Variants in SEMA4B observed in about 807,000 individuals in gnomAD.
SEMA4B encodes the protein semaphorin 4B.
A neutral mutation model predicts 88.1 loss-of-function variants in SEMA4B; 55 were observed. The observed-to-expected ratio is 0.62, with a 90% confidence interval of 0.50 to 0.78. SEMA4B has a LOEUF of 0.78. Ranked by LOEUF, SEMA4B falls within the 30% of genes least tolerant of loss-of-function variation. The probability of loss-of-function intolerance (pLI) is 0.00; values close to 1 mark genes in which losing one functional copy is unlikely to be tolerated. For synonymous variants in SEMA4B, 525 were observed against 473.6 expected (o/e 1.11, Z -1.41); for missense variants, 1,062 against 1,111.9 (o/e 0.96, Z 0.64).
At chr15:90,188,913 C>T (rs551638761) in intron 1 of SEMA4B, among the ~76,000 whole-genome samples, 235 of 152,126 alleles carry the variant, frequency 1.5e-3, no homozygotes, top group African/African-American at 5.4e-3. Context: ...TCGTGATCCG[C>T]CCGCCTCAGC....
rs77182560 is a variant in SEMA4B at position 90,213,741 on chromosome 15, A to G, written c.158-3698A>G. On this transcript the variant is annotated intron_variant, in intron 1 of 13. Coordinates refer to ENST00000411539, the MANE Select transcript of SEMA4B (RefSeq NM_198925.4). ...AACGCTCTTTTGCAGGTAGATAAGCACGGGCAACCAGCTTATCTGAACCAG... is the reference window on the plus strand; with the variant it reads ...AACGCTCTTTTGCAGGTAGATAAGCGCGGGCAACCAGCTTATCTGAACCAG... Among the ~76,000 whole-genome samples the G allele has an allele frequency of 7.2e-3, 1,104 of 152,360 alleles. 17 individuals are homozygous for G. The highest frequency in any genetic ancestry group is 0.025 in the African/African-American group (1,029 of 41,588).
chr15:90,214,881 T>C, intron 1 of SEMA4B: 5 of 803,734 alleles, frequency 6.2e-6, no homozygotes, highest in Non-Finnish European at 6.9e-6. Flanking sequence ...CTGATTTTAA[T>C]GTTTATATTT....
chr15:90,220,943 C>T (rs1229225737), intron 4 of SEMA4B, 39 bp from the exon 5 acceptor site: 2 of 1,360,244 alleles, frequency 1.5e-6, no homozygotes, highest in Non-Finnish European at 2.1e-6. Flanking sequence ...TCCTCATTCC[C>T]TGGAGTGCCC....
Position 90,227,563 on chromosome 15 carries a change from G to A in SEMA4B, c.1695G>A (p.Trp565Ter). Residue 565 changes from tryptophan (W) to a stop codon, truncating the protein, a stop_gained, in exon 13 of 14, where the codon TGG becomes TGA. Transcript: ENST00000411539. LOFTEE classifies it high-confidence loss of function. ...AATTCTCTCTGGCCCTCAGGCCGTG[G>A]ATCCAGGACATCGAGGGAGCCAGCG... Reference protein sequence around the residue: ...LYQPQLATRPWIQDIEGASAK... With the variant: ...LYQPQLATRP The A allele has an allele frequency of 6.2e-7, 1 of 1,613,948 alleles. No homozygotes were observed. The highest frequency in any genetic ancestry group is 8.5e-7 in the Non-Finnish European group (1 of 1,179,868).
upstream of SEMA4B, among the ~76,000 whole-genome samples, chr15:90,199,543 C>T (rs1289114442): frequency 7.2e-5 from 11 of 151,924 alleles, no homozygotes; most frequent in South Asian, 2.1e-4. Flanking sequence ...ATATTGAGGC[C>T]GGGTCAGGTG....
intron 9 of SEMA4B, 116 bp from the exon 10 acceptor site, chr15:90,224,852 G>A: frequency 1.2e-6 from 1 of 825,038 alleles, no homozygotes; most frequent in Non-Finnish European, 2.0e-6. Context: ...CCAGGGATGT[G>A]CCCTGGCTCC....
chr15:90,207,581 A>G (rs941973736), intron 1 of SEMA4B, among the ~76,000 whole-genome samples: 5 of 152,240 alleles, frequency 3.3e-5, no homozygotes, highest in Admixed American at 6.5e-5. Context: ...TCATGCAGCT[A>G]TAGAAGAGTT....
chr15:90,201,431 C>T lies in SEMA4B; in HGVS notation c.-148C>T. 7.7e-7 allele frequency: 1 copy of T among 1,296,742 alleles called. No homozygotes were observed. The highest frequency in any genetic ancestry group is 9.8e-7 in the Non-Finnish European group (1 of 1,025,288). 80.3% of individuals were successfully genotyped at this position (1,296,742 alleles called of 1,614,324 possible). ...GCTGAGTTTGCCAGGGCCCACTTGA[C>T]CCTGTTTCCCACCTCCCGCCCCCCA... On this transcript the variant is annotated 5_prime_UTR_variant, in exon 1 of 14. Transcript: ENST00000411539.
In SEMA4B at chr15:90,219,820, C is replaced by T. The variant is rs1023994109; in HGVS notation, c.412C>T (p.Leu138Phe). ...QRDCQNYIKI[L>F]LPLSGSHLFT... ...CGACTGTCAAAACTACATCAAGATC[C>T]TCCTGCCGCTCAGCGGCAGTCACCT... Residue 138 changes from leucine to phenylalanine, a missense_variant, in exon 4 of 14, where the codon CTC becomes TTC. Leu to Phe is a conservative substitution (Grantham distance 22). Transcript: ENST00000411539. 6.2e-7 allele frequency: 1 copy of T among 1,613,566 alleles called. No homozygotes were observed. Among genetic ancestry groups the T allele is most frequent in the Non-Finnish European group, 8.5e-7 (1 of 1,179,782 alleles).
At position 90,229,411 on chromosome 15, in the gene SEMA4B, G is replaced by C; in HGVS notation, c.*768G>C. 1 of 456,502 alleles carries C rather than the reference G, an allele frequency of 2.2e-6. No individual in the cohort carries two copies. Among genetic ancestry groups the C allele is most frequent in the Admixed American group, 2.4e-5 (1 of 42,530 alleles). The allele number at this position is 456,502 out of a possible 1,614,324, so 28.3% of individuals were successfully genotyped here. ...GTCGCCTGCCTTCCTCCGTTGTTGCGTGAGAACCCGTGTGCCCCTTCCCAC... is the reference window on the plus strand; with the variant it reads ...GTCGCCTGCCTTCCTCCGTTGTTGCCTGAGAACCCGTGTGCCCCTTCCCAC... On this transcript the variant is annotated 3_prime_UTR_variant, in exon 14 of 14. Coordinates refer to ENST00000411539, the MANE Select transcript of SEMA4B (RefSeq NM_198925.4).
chr15:90,202,494 C>G (rs1438783244), intron 1 of SEMA4B, among the ~76,000 whole-genome samples: 1 of 152,176 alleles, frequency 6.6e-6, no homozygotes, highest in East Asian at 1.9e-4. Flanking sequence ...AGCCCTCCGC[C>G]CTTCCCTCTC....
intron 1 of SEMA4B, among the ~76,000 whole-genome samples, chr15:90,208,665 CA>C (rs1425483633): frequency 1.3e-5 from 2 of 152,202 alleles, no homozygotes; most frequent in Non-Finnish European, 2.9e-5. Flanking sequence ...GTGCCCCTTC[CA>C]GTCCGTGAAG....
At chr15:90,216,183 T>G (rs542356394) in intron 1 of SEMA4B, among the ~76,000 whole-genome samples, 2 of 152,170 alleles carry the variant, frequency 1.3e-5, no homozygotes, top group East Asian at 3.9e-4. Flanking sequence ...AGACGGGATC[T>G]CTCCATGTTG....
At position 90,228,693 on chromosome 15, in the gene SEMA4B, C is replaced by T. The variant is rs748324531; in HGVS notation, c.*50C>T. 5.6e-6 allele frequency: 9 copies of T among 1,606,720 alleles called. No individual in the cohort carries two copies. Among genetic ancestry groups the T allele is most frequent in the African/African-American group, 4.0e-5 (3 of 74,850 alleles). The stretch of plus-strand genomic sequence containing the variant: ...CCTGGCTTCAGGGGCTGTGAATGCT[C>T]GGAGAGGGTCAACTGGACCTCCCCT... On this transcript the variant is annotated 3_prime_UTR_variant, in exon 14 of 14. Coordinates refer to ENST00000411539, the MANE Select transcript of SEMA4B (RefSeq NM_198925.4).
rs1962108362 is a variant in SEMA4B at position 90,225,388 on chromosome 15, C to T, written c.1512C>T (p.Asp504=). ...AGCCCGTGCAGAATCTGCTCCTGGA[C>T]ACCCACAGGGTGAGCAGGCCAACGA... The part of the protein sequence containing the change: ...SGQPVQNLLL[D]THRGLLYAAS... Residue 504 remains aspartate (D), a synonymous_variant, in exon 11 of 14, where the codon GAC becomes GAT. Transcript: ENST00000411539. 6.4e-7 allele frequency: 1 copy of T among 1,551,020 alleles called. No individual in the cohort carries two copies. Among genetic ancestry groups the T allele is most frequent in the Non-Finnish European group, 8.7e-7 (1 of 1,147,670 alleles).
At chr15:90,190,363 C>G (rs563644936) in intron 1 of SEMA4B, 1 of 152,454 alleles carries the variant, frequency 6.6e-6, no homozygotes, top group South Asian at 2.1e-4. Flanking sequence ...GGCAACCCGT[C>G]TGTGCATCCC....
At chr15:90,217,918 G>A in intron 3 of SEMA4B, 89 bp downstream of exon 3, 2 of 1,124,032 alleles carry the variant, frequency 1.8e-6, no homozygotes, top group Non-Finnish European at 2.6e-6. Context: ...GGTGGGAGCA[G>A]ATACAGCCAG....
At position 90,220,976 on chromosome 15, in the gene SEMA4B, C is replaced by T. The variant is rs2151619444; in HGVS notation, c.484-6C>T. The T allele has an allele frequency of 1.9e-6, 3 of 1,592,380 alleles. No homozygotes were observed. The highest frequency in any genetic ancestry group is 2.6e-6 in the Non-Finnish European group (3 of 1,166,578). On this transcript the variant is annotated splice_region_variant and splice_polypyrimidine_tract_variant and intron_variant, in intron 4 of 13. Coordinates refer to ENST00000411539, the MANE Select transcript of SEMA4B (RefSeq NM_198925.4). ...CCCCTGAGCCCATGTGTCCACCCTC[C>T]TGCAGAACATGGAGAACTTCACCCT...
intron 1 of SEMA4B, among the ~76,000 whole-genome samples, chr15:90,202,075 C>T (rs1041389983): frequency 1.3e-5 from 2 of 152,270 alleles, no homozygotes; most frequent in African/African-American, 4.8e-5. Context: ...CGCGGTGCCG[C>T]CCCCGAGGGC....
Sources: gnomAD v4.1 joint callset for allele counts (sites outside exome capture counted in the v4.1 genomes callset) on GRCh38, gnomAD v4.1.1 for gene constraint, MANE v1.5 for transcripts, NCBI Gene and HGNC (gene_info 2026-07-23, HGNC 2026-07-21) for gene names.